The following KDM6A variants were observed in gnomAD, a reference collection of about 807,000 sequenced individuals.
KDM6A encodes the protein lysine-specific demethylase 6A.
KDM6A carries 11 observed loss-of-function variants against 117.6 expected under a neutral mutation model. That is an observed-to-expected ratio of 0.09 (90% CI 0.06 to 0.15). The LOEUF (loss-of-function observed/expected upper bound fraction) is 0.15. Among genes scored for constraint, KDM6A ranks in the 10% least tolerant of loss-of-function variants. The pLI, the probability that KDM6A is intolerant of heterozygous loss-of-function variation, is 1.00. For synonymous variants in KDM6A, 384 were observed against 396.1 expected, an observed-to-expected ratio of 0.97 and a Z score of 0.36; for missense variants, 799 against 1,077.3, an observed-to-expected ratio of 0.74 and a Z score of 3.62.
chrX:44,900,174 C>T (rs1022230686), intron 2 of KDM6A, among the ~76,000 whole-genome samples: 7 of 112,280 alleles, frequency 6.2e-5, no homozygotes, highest in African/African-American at 2.3e-4. Flanking sequence ...TATAACATAA[C>T]ATTCTGCTCC....
chrX:44,900,134 C>G (rs922005413), intron 2 of KDM6A, among the ~76,000 whole-genome samples: 1 of 112,314 alleles, frequency 8.9e-6, no homozygotes, highest in Non-Finnish European at 1.9e-5. Flanking sequence ...ACAGCAGTTA[C>G]TCTTTAGTTT....
intron 19 of KDM6A, among the ~76,000 whole-genome samples, chrX:45,078,135 A>C (rs1412352896): frequency 8.9e-6 from 1 of 112,092 alleles, no homozygotes; most frequent in African/African-American, 3.2e-5. Context: ...TAATATTTAA[A>C]ACACTTTGAT....
intron 2 of KDM6A, among the ~76,000 whole-genome samples, chrX:44,929,517 G>GAGCA (rs1209789540): frequency 8.9e-6 from 1 of 111,843 alleles, no homozygotes; most frequent in African/African-American, 3.3e-5. Context: ...AGTAGTAATT[G>GAGCA]AGCATATGGA....
chrX:45,063,023 G>A (rs773856196), intron 16 of KDM6A, among the ~76,000 whole-genome samples: 4 of 111,369 alleles, frequency 3.6e-5, no homozygotes, highest in African/African-American at 1.3e-4. Context: ...ACTGAGGCAA[G>A]GTTTTTAGGG....
rs751034422 is a variant in KDM6A, at chrX:45,063,575, G to A, written c.1837G>A (p.Ala613Thr). 3 of 1,211,540 alleles carry A rather than the reference G, an allele frequency of 2.5e-6. No individual in the cohort carries two copies. The highest frequency in any genetic ancestry group is 3.4e-6 in the Non-Finnish European group (3 of 895,426). The change falls in exon 17 of 30, where the codon GCC (alanine) becomes ACC (threonine). Residue 613 changes from alanine to threonine, a missense_variant. Coordinates refer to ENST00000611820, the MANE Select transcript of KDM6A (RefSeq NM_001291415.2). ...CGTCTCTCAGCCTGGAGTCCGTCCT[G>A]CCTGCCCTGGGCAGCCTTTGGCCAA... is the stretch of plus-strand genomic sequence containing the variant. Reference protein sequence around the residue: ...PSVSQPGVRPACPGQPLANGP... With the variant: ...PSVSQPGVRPTCPGQPLANGP...
chrX:44,983,827 T>C (rs1173643806), intron 4 of KDM6A, among the ~76,000 whole-genome samples: 159 of 110,191 alleles, frequency 1.4e-3, no homozygotes, highest in African/African-American at 5.0e-3. Flanking sequence ...ACATTTGGGT[T>C]GGTTCCAAGT....
At chrX:45,087,950 T>G (rs2045715060) in intron 25 of KDM6A, among the ~76,000 whole-genome samples, 1 of 111,988 alleles carries the variant, frequency 8.9e-6, no homozygotes, top group African/African-American at 3.2e-5. Flanking sequence ...GTATACTGTA[T>G]CTGTAGTTTA....
In KDM6A at chrX:45,083,738, T is replaced by A. The variant is rs752714740; in HGVS notation, c.3589+130T>A. ...AGAGTTGTTCCTGTTATAAGACTTT[T>A]TAACTGGGCTCAGATTAAGATTTTT... On this transcript the variant is annotated intron_variant, in intron 24 of 29. Transcript: ENST00000611820. 22 of 563,659 alleles carry A rather than the reference T, an allele frequency of 3.9e-5. No homozygotes were observed. The African/African-American group carries it at 5.0e-4, about 13-fold the overall frequency. 46.5% of individuals were successfully genotyped at this position (563,659 alleles called of 1,213,427 possible).
intron 4 of KDM6A, among the ~76,000 whole-genome samples, chrX:44,991,968 C>T (rs944172537): frequency 1.8e-5 from 2 of 110,860 alleles, no homozygotes; most frequent in Non-Finnish European, 3.8e-5. Context: ...GGATTACAGG[C>T]GTGAGCCACT....
chrX:44,911,770 A>G (rs1033355548), intron 2 of KDM6A, among the ~76,000 whole-genome samples: 62 of 112,136 alleles, frequency 5.5e-4, no homozygotes, highest in African/African-American at 1.9e-4. Context: ...TCCGTCTGCA[A>G]TACCGGCACC....
intron 2 of KDM6A, among the ~76,000 whole-genome samples, chrX:44,956,656 TTGCTGGGATTATAGGCG>T (rs1210356139): frequency 2.2e-4 from 25 of 111,456 alleles, no homozygotes; most frequent in African/African-American, 6.2e-4. Flanking sequence ...CTCCTGCCTT[TTGCTGGGATTATAGGCG>T]TGCTGGGATT....
At chrX:44,994,524 G>A (rs185744070) in intron 4 of KDM6A, among the ~76,000 whole-genome samples, 2 of 112,187 alleles carry the variant, frequency 1.8e-5, no homozygotes, top group East Asian at 5.6e-4. Flanking sequence ...GGATACTTTG[G>A]TTGATTCTGT....
chrX:44,896,424 CA>C (rs1318114851), intron 2 of KDM6A, among the ~76,000 whole-genome samples: 2 of 111,270 alleles, frequency 1.8e-5, no homozygotes, highest in Non-Finnish European at 3.8e-5. Flanking sequence ...ATACATTGAA[CA>C]ACACATCAGA....
At chrX:45,008,367 C>T (rs1011602285) in intron 4 of KDM6A, among the ~76,000 whole-genome samples, 1 of 110,682 alleles carries the variant, frequency 9.0e-6, no homozygotes, top group Non-Finnish European at 1.9e-5. Context: ...GAGCGAAACT[C>T]CATCTCAAAG....
At chrX:45,041,453 G>C (rs1429814523) in intron 8 of KDM6A, among the ~76,000 whole-genome samples, 1 of 106,522 alleles carries the variant, frequency 9.4e-6, no homozygotes, top group African/African-American at 3.5e-5. Flanking sequence ...CTCCCTCCCG[G>C]ACGGGGTGGC....
chrX:44,924,202 G>T (rs753746687), intron 2 of KDM6A, among the ~76,000 whole-genome samples: 2 of 111,693 alleles, frequency 1.8e-5, no homozygotes, highest in Non-Finnish European at 3.8e-5. Flanking sequence ...TTTTCTATTG[G>T]TTGATTTTTC....
At chrX:45,058,888 C>T in intron 10 of KDM6A, 118 bp from the exon 11 acceptor site, 2 of 562,227 alleles carry the variant, frequency 3.6e-6, no homozygotes, top group South Asian at 5.0e-5. Context: ...AATATATTAA[C>T]TTATTAGGGT....
chrX:45,110,042 A>C, intron 28 of KDM6A, 37 bp from the exon 29 acceptor site: 1 of 1,141,659 alleles, frequency 8.8e-7, no homozygotes. Flanking sequence ...AAATACCACT[A>C]TCTCTATTGA....
rs2148304726 is a variant in KDM6A at position 45,110,086 on chromosome X, T to G, written c.4169T>G (p.Val1390Gly). The change falls in exon 29 of 30, where the codon GTT becomes GGT. Residue 1390 changes from valine (V) to glycine (G), a missense_variant. Physicochemically the swap from Val to Gly is moderately radical, Grantham distance 109. Transcript: ENST00000611820. ...AHYCSICEVEVFDLLFVTNES... is the reference protein window; with the variant it reads ...AHYCSICEVEGFDLLFVTNES... The stretch of plus-strand genomic sequence containing the variant: ...TTCTCTTGTATAAAACAGGTGGAGG[T>G]TTTTGATCTGCTTTTTGTCACTAAT... The G allele has an allele frequency of 8.3e-7, 1 of 1,209,186 alleles. No individual in the cohort carries two copies. Among genetic ancestry groups the G allele is most frequent in the Non-Finnish European group, 1.1e-6 (1 of 893,429 alleles).
Sources: allele counts gnomAD v4.1 joint callset (sites outside exome capture counted in the v4.1 genomes callset), GRCh38; gene constraint gnomAD v4.1.1; transcripts MANE v1.5; gene names NCBI Gene and HGNC (gene_info 2026-07-23, HGNC 2026-07-21).